The following GPBP1 variants were observed in gnomAD, a reference collection of about 807,000 sequenced individuals.
GPBP1 encodes the protein vasculin.
Under a neutral mutation model 56.5 loss-of-function variants are expected in GPBP1, and 13 were observed. The observed-to-expected ratio is 0.23, with a 90% CI of 0.15 to 0.37. The LOEUF is 0.37. Among genes scored for constraint, GPBP1 ranks in the 10% least tolerant of loss-of-function variants. GPBP1 has a pLI of 1.00. For synonymous variants in GPBP1, 204 were observed against 188.9 expected (o/e 1.08, Z -0.66); for missense variants, 477 against 572.3 (o/e 0.83, Z 1.70).
intron 2 of GPBP1, among the ~76,000 whole-genome samples, chr5:57,212,570 A>G (rs1057308395): frequency 6.6e-6 from 1 of 151,844 alleles, no homozygotes; most frequent in South Asian, 2.1e-4. Context: ...CTAAGCCCAT[A>G]TTGAGCATTT....
At chr5:57,247,515 C>G (rs1325694667) in intron 8 of GPBP1, among the ~76,000 whole-genome samples, 1 of 151,834 alleles carries the variant, frequency 6.6e-6, no homozygotes, top group Non-Finnish European at 1.5e-5. Context: ...ATGGTGAAAC[C>G]CTGTCTCTAC....
At chr5:57,226,884 T>G (rs1756222682) in intron 3 of GPBP1, among the ~76,000 whole-genome samples, 1 of 151,202 alleles carries the variant, frequency 6.6e-6, no homozygotes, top group Non-Finnish European at 1.5e-5. Flanking sequence ...GGACTGCAGG[T>G]GCCCGCCACC....
intron 2 of GPBP1, among the ~76,000 whole-genome samples, chr5:57,200,360 A>ATTTTT (rs70999063): frequency 4.4e-4 from 31 of 69,810 alleles, no homozygotes; most frequent in Admixed American, 6.0e-4. Context: ...ATAAGTTTGA[A>ATTTTT]TTTTTTTTTT....
chr5:57,232,802 C>T (rs1362278421), intron 5 of GPBP1, among the ~76,000 whole-genome samples: 2 of 152,116 alleles, frequency 1.3e-5, no homozygotes, highest in African/African-American at 4.8e-5. Context: ...AATGGCCTTG[C>T]CGAGGAAGTT....
At chr5:57,202,245 A>G (rs556422646) in intron 2 of GPBP1, among the ~76,000 whole-genome samples, 3 of 152,030 alleles carry the variant, frequency 2.0e-5, no homozygotes, top group Non-Finnish European at 4.4e-5. Flanking sequence ...TTGGCCTCCC[A>G]AAGTGCTAGG....
intron 2 of GPBP1, among the ~76,000 whole-genome samples, chr5:57,197,458 A>G (rs1441267331): frequency 5.3e-5 from 8 of 150,444 alleles, no homozygotes; most frequent in East Asian, 3.9e-4. Flanking sequence ...TCCTGGTTCA[A>G]GCAGTTCTCC....
chr5:57,223,866 C>T (rs1028020262), intron 3 of GPBP1, among the ~76,000 whole-genome samples: 6 of 151,374 alleles, frequency 4.0e-5, no homozygotes, highest in Admixed American at 6.6e-5. Flanking sequence ...TGGAGTCTCG[C>T]TCTTTCCCCC....
At chr5:57,250,565 T>TA (rs1741334400) in intron 9 of GPBP1, among the ~76,000 whole-genome samples, 1 of 150,852 alleles carries the variant, frequency 6.6e-6, no homozygotes, top group Admixed American at 6.6e-5. Flanking sequence ...TTTTTTTTTT[T>TA]AGAGTTTTGC....
At chr5:57,182,751 A>G (rs1210196383) in intron 2 of GPBP1, among the ~76,000 whole-genome samples, 1 of 150,276 alleles carries the variant, frequency 6.7e-6, no homozygotes, top group African/African-American at 2.5e-5. Flanking sequence ...TGGTGCAGTC[A>G]CGGCTCACTG....
At chr5:57,254,496 A>C (rs1010227160) in intron 10 of GPBP1, among the ~76,000 whole-genome samples, 2 of 152,080 alleles carry the variant, frequency 1.3e-5, no homozygotes, top group Non-Finnish European at 1.5e-5. Flanking sequence ...GGAATTCAAG[A>C]CCAGCCTGGC....
chr5:57,199,890 A>G (rs1436577671), intron 2 of GPBP1, among the ~76,000 whole-genome samples: 2 of 150,076 alleles, frequency 1.3e-5, no homozygotes, highest in Admixed American at 6.6e-5. Flanking sequence ...GACTAGACCT[A>G]GTGGTTTCAG....
chr5:57,200,619 G>T (rs1481624661), intron 2 of GPBP1, among the ~76,000 whole-genome samples: 1 of 151,460 alleles, frequency 6.6e-6, no homozygotes, highest in African/African-American at 2.4e-5. Context: ...CTCCCGCCTC[G>T]GCCTCCCAAA....
intron 2 of GPBP1, among the ~76,000 whole-genome samples, chr5:57,180,940 C>G (rs571494264): frequency 1.3e-3 from 204 of 152,142 alleles, no homozygotes; most frequent in African/African-American, 4.3e-3. Context: ...TGGGGTTTCC[C>G]CATGTTGGTC....
intron 6 of GPBP1, among the ~76,000 whole-genome samples, chr5:57,242,771 A>C (rs1168007021): frequency 2.0e-5 from 3 of 152,032 alleles, no homozygotes. Flanking sequence ...ATTATTTTAA[A>C]TGGAGTCTCA....
At chr5:57,187,918 G>GTA (rs1349003129) in intron 2 of GPBP1, among the ~76,000 whole-genome samples, 3 of 151,430 alleles carry the variant, frequency 2.0e-5, no homozygotes, top group Non-Finnish European at 4.4e-5. Flanking sequence ...ATGTATTTGT[G>GTA]TATATATAAT....
At chr5:57,229,081 A>G (rs1756322224) in intron 3 of GPBP1, among the ~76,000 whole-genome samples, 1 of 151,550 alleles carries the variant, frequency 6.6e-6, no homozygotes. Context: ...AAATATAAAA[A>G]TTAACCGGTT....
chr5:57,206,378 C>T (rs1407790878), intron 2 of GPBP1, among the ~76,000 whole-genome samples: 1 of 151,954 alleles, frequency 6.6e-6, no homozygotes, highest in Admixed American at 6.6e-5. Context: ...ATATTTAGGT[C>T]TGTGATTTAT....
At chr5:57,247,272 C>G in intron 8 of GPBP1, 57 bp downstream of exon 8, 8 of 1,369,636 alleles carry the variant, frequency 5.8e-6, no homozygotes, top group Non-Finnish European at 8.0e-6. Context: ...GATAGTTTAA[C>G]AGTGAATAAA....
intron 3 of GPBP1, among the ~76,000 whole-genome samples, chr5:57,221,620 G>A (rs1226896415): frequency 2.0e-5 from 3 of 152,126 alleles, no homozygotes; most frequent in Admixed American, 6.6e-5. Flanking sequence ...AAAAAATGTG[G>A]TGGAACTTTA....
Sources: allele counts gnomAD v4.1 joint callset (sites outside exome capture counted in the v4.1 genomes callset), GRCh38; gene constraint gnomAD v4.1.1; transcripts MANE v1.5; gene names NCBI Gene and HGNC (gene_info 2026-07-23, HGNC 2026-07-21).